NTRK3: variants seen among roughly 807,000 people sequenced by gnomAD.
NTRK3 encodes the protein NT-3 growth factor receptor.
Under a neutral mutation model 91.7 loss-of-function variants are expected in NTRK3, and 24 were observed. The observed-to-expected ratio is 0.26, with a 90% confidence interval of 0.19 to 0.37. The LOEUF (loss-of-function observed/expected upper bound fraction) is 0.37. Ranked by LOEUF, NTRK3 falls within the 10% of genes least tolerant of loss-of-function variation. The pLI, the probability that NTRK3 is intolerant of heterozygous loss-of-function variation, is 1.00. For missense variants in NTRK3, 880 were observed against 1,068.9 expected (o/e 0.82, Z 2.46); for synonymous variants, 483 against 404.0 (o/e 1.20, Z -2.34).
intron 5 of NTRK3, among the ~76,000 whole-genome samples, chr15:88,165,891 G>A (rs1328637074): frequency 6.6e-6 from 1 of 152,178 alleles, no homozygotes; most frequent in Non-Finnish European, 1.5e-5. Context: ...ACATGCGCAT[G>A]AGCAAGAAGT....
intron 3 of NTRK3, among the ~76,000 whole-genome samples, chr15:88,251,347 A>G (rs901214188): frequency 1.3e-5 from 2 of 152,208 alleles, no homozygotes; most frequent in Non-Finnish European, 2.9e-5. Flanking sequence ...CATATGTCCA[A>G]GTTGGAAGAA....
chr15:88,049,239 A>G (rs1340190873), intron 13 of NTRK3, among the ~76,000 whole-genome samples: 3 of 152,184 alleles, frequency 2.0e-5, no homozygotes, highest in Admixed American at 6.5e-5. Flanking sequence ...TAGTATGCCT[A>G]GTCTATTTTA....
chr15:87,880,256 C>T lies in NTRK3; in HGVS notation c.2292+14G>A, dbSNP rs1293393604. The T allele has an allele frequency of 3.7e-6, 6 of 1,614,064 alleles. No homozygotes were observed. The highest frequency in any genetic ancestry group is 1.7e-5 in the Admixed American group (1 of 60,024). On this transcript the variant is annotated intron_variant, in intron 18 of 18. Transcript: ENST00000394480. ...CCCTCCCCCAATCAAGATTCCTACGCACCCCCTTTTTACCTCCGTGTTTGA... is the reference window on the plus strand; with the variant it reads ...CCCTCCCCCAATCAAGATTCCTACGTACCCCCTTTTTACCTCCGTGTTTGA...
intron 13 of NTRK3, among the ~76,000 whole-genome samples, chr15:88,076,721 G>A (rs2150589644): frequency 6.7e-6 from 1 of 150,110 alleles, no homozygotes; most frequent in East Asian, 2.0e-4. Context: ...ATGCAATGAA[G>A]GAAAAGTACA....
chr15:88,245,447 C>G (rs1450252880), intron 3 of NTRK3, among the ~76,000 whole-genome samples: 1 of 152,132 alleles, frequency 6.6e-6, no homozygotes, highest in African/African-American at 2.4e-5. Context: ...AGTTTTTTGA[C>G]CAAAGAAGCC....
chr15:88,089,521 T>C (rs1317174829), intron 13 of NTRK3, among the ~76,000 whole-genome samples: 1 of 152,246 alleles, frequency 6.6e-6, no homozygotes, highest in East Asian at 1.9e-4. Context: ...AAAAAGCATG[T>C]TGTCAAAGAC....
chr15:87,973,639 T>C lies in NTRK3; in HGVS notation c.1586-32886A>G, dbSNP rs550561577. 1.2e-4 allele frequency among the ~76,000 whole-genome samples: 19 copies of C among 152,120 alleles called. No homozygotes were observed. In the South Asian group the frequency reaches 2.3e-3, roughly 18 times the overall value. On this transcript the variant is annotated intron_variant, in intron 14 of 18. Coordinates refer to ENST00000394480, the Ensembl canonical transcript of NTRK3. ...CGCCCACATCAGCCAGCATTAAAGATTGGCAATGTGGTGGGTGGGGGAGAG... is the reference window on the plus strand; with the variant it reads ...CGCCCACATCAGCCAGCATTAAAGACTGGCAATGTGGTGGGTGGGGGAGAG...
At chr15:87,901,537 G>C (rs2066452035) in intron 17 of NTRK3, among the ~76,000 whole-genome samples, 1 of 152,218 alleles carries the variant, frequency 6.6e-6, no homozygotes, top group Non-Finnish European at 1.5e-5. Flanking sequence ...GGTAGAAAGA[G>C]ATGCTTTCAG....
chr15:88,056,074 T>G (rs1311675448), intron 13 of NTRK3, among the ~76,000 whole-genome samples: 1 of 151,636 alleles, frequency 6.6e-6, no homozygotes, highest in Non-Finnish European at 1.5e-5. Flanking sequence ...CAAAGGAGCA[T>G]GGCAGGCCCC....
At chr15:88,085,018 T>C (rs2048373089) in intron 13 of NTRK3, among the ~76,000 whole-genome samples, 1 of 152,098 alleles carries the variant, frequency 6.6e-6, no homozygotes, top group Non-Finnish European at 1.5e-5. Context: ...AAGAAGAGAG[T>C]TTAGCATGAA....
chr15:87,986,061 A>G (rs572028438), intron 14 of NTRK3, among the ~76,000 whole-genome samples: 1 of 152,250 alleles, frequency 6.6e-6, no homozygotes, highest in Admixed American at 6.5e-5. Flanking sequence ...AATACTAGTC[A>G]TATGGAAAAA....
At chr15:88,170,744 G>C (rs1032050888) in intron 5 of NTRK3, among the ~76,000 whole-genome samples, 7 of 152,132 alleles carry the variant, frequency 4.6e-5, no homozygotes, top group Non-Finnish European at 7.4e-5. Context: ...CCACTGTAGG[G>C]TCCCTGAGGA....
chr15:88,002,168 GTTTTTTTTTTTTTT>G (rs770668339), intron 14 of NTRK3, among the ~76,000 whole-genome samples: 4 of 70,162 alleles, frequency 5.7e-5, no homozygotes, highest in Admixed American at 1.6e-4. Flanking sequence ...GATAGTGGTT[GTTTTTTTTTTTTTT>G]TTTTTTTTTT....
At chr15:87,892,005 T>C (rs2065876771) in intron 17 of NTRK3, among the ~76,000 whole-genome samples, 1 of 151,864 alleles carries the variant, frequency 6.6e-6, no homozygotes, top group Non-Finnish European at 1.5e-5. Flanking sequence ...GATGCACAAC[T>C]CTCACATGGA....
intron 17 of NTRK3, among the ~76,000 whole-genome samples, chr15:87,880,905 C>A (rs1279821152): frequency 6.6e-6 from 1 of 152,230 alleles, no homozygotes; most frequent in South Asian, 2.1e-4. Context: ...TCGAATCTCT[C>A]ACCACAATTT....
At chr15:88,180,143 T>G (rs1411333476) in intron 5 of NTRK3, among the ~76,000 whole-genome samples, 1 of 152,192 alleles carries the variant, frequency 6.6e-6, no homozygotes, top group Non-Finnish European at 1.5e-5. Context: ...CCTCTTATCG[T>G]TTAATCTTGA....
chr15:88,098,397 C>T (rs575865793), intron 13 of NTRK3: 1 of 182,764 alleles, frequency 5.5e-6, no homozygotes, highest in East Asian at 8.9e-5. Context: ...CCAACATTAA[C>T]AAGGATCATA....
chr15:87,979,295 GGCCCA>G, intron 14 of NTRK3: 1 of 1,321,572 alleles, frequency 7.6e-7, no homozygotes, highest in South Asian at 1.2e-5. Context: ...CCTCTCAGAG[GGCCCA>G]GCCTACCAAG....
At chr15:88,251,683 C>T (rs1034791045) in intron 3 of NTRK3, among the ~76,000 whole-genome samples, 1 of 152,182 alleles carries the variant, frequency 6.6e-6, no homozygotes, top group African/African-American at 2.4e-5. Context: ...GGCCCTGGTC[C>T]TTCTACAGAG....
Sources: gnomAD v4.1 joint callset for allele counts (sites outside exome capture counted in the v4.1 genomes callset) on GRCh38, gnomAD v4.1.1 for gene constraint, MANE v1.5 for transcripts, NCBI Gene and HGNC (gene_info 2026-07-23, HGNC 2026-07-21) for gene names.